IDO2: variants seen among roughly 807,000 people sequenced by gnomAD.
The protein encoded by IDO2 is indoleamine 2,3-dioxygenase 2.
IDO2 carries 46 observed loss-of-function variants against 45.1 expected under a neutral mutation model. That is an observed-to-expected ratio of 1.02 (90% CI 0.80 to 1.30). The LOEUF is 1.30. IDO2 is among the 50% of genes most tolerant of loss of function. The pLI, the probability that IDO2 is intolerant of heterozygous loss-of-function variation, is 0.00. For synonymous variants in IDO2, 218 were observed against 184.9 expected, an observed-to-expected ratio of 1.18 and a Z score of -1.45; for missense variants, 544 against 491.8, an observed-to-expected ratio of 1.11 and a Z score of -1.00.
chr8:39,939,617 C>A (rs1445337924), intron 1 of IDO2, among the ~76,000 whole-genome samples: 1 of 142,488 alleles, frequency 7.0e-6, no homozygotes, highest in Non-Finnish European at 1.5e-5. Context: ...TGATTGCAGT[C>A]TTTACGTATT....
chr8:40,005,052 C>T (rs1802199715), intron 8 of IDO2, among the ~76,000 whole-genome samples: 1 of 152,150 alleles, frequency 6.6e-6, no homozygotes, highest in Non-Finnish European at 1.5e-5. Context: ...TAAAAGATGG[C>T]CTTGTTCTCT....
intron 1 of IDO2, among the ~76,000 whole-genome samples, chr8:39,946,695 G>A (rs558039005): frequency 4.7e-4 from 71 of 152,194 alleles, no homozygotes; most frequent in African/African-American, 1.6e-3. Flanking sequence ...CCAGTCTCCC[G>A]CACAGCCTGC....
chr8:39,966,719 G>A (rs563783636), intron 3 of IDO2, among the ~76,000 whole-genome samples: 1 of 152,272 alleles, frequency 6.6e-6, no homozygotes, highest in South Asian at 2.1e-4. Context: ...CATGATCAGA[G>A]GGAGCTATGC....
chr8:39,944,955 G>A (rs1057404071), intron 1 of IDO2, among the ~76,000 whole-genome samples: 5 of 152,142 alleles, frequency 3.3e-5, no homozygotes, highest in African/African-American at 1.2e-4. Flanking sequence ...TCAACACCTG[G>A]CATAAAATTC....
chr8:39,957,638 C>G (rs1563427090), intron 2 of IDO2, among the ~76,000 whole-genome samples: 1 of 152,026 alleles, frequency 6.6e-6, no homozygotes, highest in Non-Finnish European at 1.5e-5. Flanking sequence ...AAAATAAAAC[C>G]TTGATAGTTT....
chr8:40,000,568 A>G (rs983224404), intron 8 of IDO2, among the ~76,000 whole-genome samples: 1 of 152,226 alleles, frequency 6.6e-6, no homozygotes, highest in Non-Finnish European at 1.5e-5. Flanking sequence ...ATATAGACAT[A>G]GCACATTTTC....
intron 9 of IDO2, among the ~76,000 whole-genome samples, chr8:40,009,982 G>C (rs1246484908): frequency 1.3e-5 from 2 of 152,128 alleles, no homozygotes; most frequent in African/African-American, 4.8e-5. Flanking sequence ...GCTGGAAATA[G>C]AGCAGTAAAA....
At chr8:39,983,545 T>C (rs1395465969) in intron 5 of IDO2, among the ~76,000 whole-genome samples, 4 of 152,096 alleles carry the variant, frequency 2.6e-5, no homozygotes, top group Non-Finnish European at 5.9e-5. Flanking sequence ...ACATATTTAG[T>C]AGACAGCCTA....
At chr8:39,985,420 A>G (rs1050883392) in intron 5 of IDO2, 88 bp from the exon 6 acceptor site, 1 of 1,166,332 alleles carries the variant, frequency 8.6e-7, no homozygotes, top group Middle Eastern at 1.9e-4. Context: ...GTGACCCTAG[A>G]AGTTATTAAT....
chr8:39,940,739 C>T (rs1807629757), intron 1 of IDO2, among the ~76,000 whole-genome samples: 3 of 151,978 alleles, frequency 2.0e-5, no homozygotes. Context: ...CCCTCCTCCC[C>T]CTATTCATCC....
intron 5 of IDO2, 45 bp downstream of exon 5, chr8:39,982,815 A>C: frequency 8.1e-7 from 1 of 1,232,328 alleles, no homozygotes; most frequent in Middle Eastern, 1.9e-4. Flanking sequence ...ACTTTCCCCC[A>C]GGAAACACCC....
intron 8 of IDO2, chr8:39,995,307 G>A (rs1802025809): frequency 8.4e-6 from 1 of 118,380 alleles, no homozygotes; most frequent in Admixed American, 9.8e-5. Flanking sequence ...TTGAGATGGA[G>A]TCTTGCTCTG....
chr8:39,981,363 A>T (rs1808349433), intron 4 of IDO2, among the ~76,000 whole-genome samples: 1 of 152,078 alleles, frequency 6.6e-6, no homozygotes. Flanking sequence ...CCCGGCGTGC[A>T]TTTTTAAAAG....
Position 39,975,171 on chromosome 8 carries a change from G to T in IDO2, c.196-3896G>T, listed in dbSNP as rs12216741. Among the ~76,000 whole-genome samples, 532 of 133,118 alleles carry T rather than the reference G, an allele frequency of 4.0e-3. 1 individual carries two copies. Among genetic ancestry groups the T allele is most frequent in the African/African-American group, 0.01 (358 of 35,690 alleles). The allele number at this position is 133,118 out of a possible 152,430, so 87.3% of individuals were successfully genotyped here. On this transcript the variant is annotated intron_variant, in intron 3 of 10. Coordinates refer to ENST00000502986, the Ensembl canonical transcript of IDO2. Reference sequence around the variant, plus strand: ...GCACAACATTGGAGTTTTTTTTTTTGTTTTTTTTTTTTGTGACGGAGTCTC... The same window carrying T: ...GCACAACATTGGAGTTTTTTTTTTTTTTTTTTTTTTTTGTGACGGAGTCTC...
At chr8:39,949,765 G>A (rs1325978600) in intron 2 of IDO2, among the ~76,000 whole-genome samples, 1 of 152,140 alleles carries the variant, frequency 6.6e-6, no homozygotes, top group Non-Finnish European at 1.5e-5. Context: ...TCACTATTGC[G>A]ACATTTTGAT....
chr8:39,975,010 G>A (rs983568394), intron 3 of IDO2, among the ~76,000 whole-genome samples: 4 of 152,044 alleles, frequency 2.6e-5, no homozygotes, highest in Non-Finnish European at 2.9e-5. Flanking sequence ...TTGGGAGGCT[G>A]AGGCAGGAGA....
rs548801514 is a variant in IDO2, at chr8:39,978,547, G to C, written c.196-520G>C. ...AACAGGGCTATAGGCATGGAGGGCG[G>C]GGGTGGAGGGGGTGTGAAAAGCCCC... On this transcript the variant is annotated intron_variant, in intron 3 of 10. Coordinates refer to ENST00000502986, the Ensembl canonical transcript of IDO2. 8.3e-4 allele frequency among the ~76,000 whole-genome samples: 127 copies of C among 152,236 alleles called. 1 individual carries two copies. The highest frequency in any genetic ancestry group is 1.6e-3 in the Non-Finnish European group (109 of 68,012).
chr8:40,004,543 A>ATAGATAGATAGG (rs1802188811), intron 8 of IDO2, among the ~76,000 whole-genome samples: 1 of 151,852 alleles, frequency 6.6e-6, no homozygotes, highest in Non-Finnish European at 1.5e-5. Context: ...AGATAGATAG[A>ATAGATAGATAGG]TAGATAGATA....
At chr8:40,007,800 G>C (rs1433315129) in intron 9 of IDO2, among the ~76,000 whole-genome samples, 2 of 152,170 alleles carry the variant, frequency 1.3e-5, no homozygotes, top group African/African-American at 4.8e-5. Context: ...AAGCTCAACT[G>C]ACTTTTCCAT....
Sources: gnomAD v4.1 joint callset for allele counts (sites outside exome capture counted in the v4.1 genomes callset) on GRCh38, gnomAD v4.1.1 for gene constraint, MANE v1.5 for transcripts, NCBI Gene and HGNC (gene_info 2026-07-23, HGNC 2026-07-21) for gene names.